The following SAMD12 variants were observed in gnomAD, a reference collection of about 807,000 sequenced individuals.
SAMD12 encodes sterile alpha motif domain containing 12, also known as sterile alpha motif domain-containing protein 12.
Under a neutral mutation model 15.0 loss-of-function variants are expected in SAMD12, and 9 were observed. The observed-to-expected ratio is 0.60, with a 90% CI of 0.36 to 1.05. SAMD12 has a LOEUF of 1.05. Among genes scored for constraint, SAMD12 ranks in the 50% least tolerant of loss-of-function variants. The pLI, the probability that SAMD12 is intolerant of heterozygous loss-of-function variation, is 0.01. For synonymous variants in SAMD12, 86 were observed against 90.1 expected (o/e 0.96, Z 0.25); for missense variants, 230 against 234.2 (o/e 0.98, Z 0.12).
intron 2 of SAMD12, among the ~76,000 whole-genome samples, chr8:118,519,418 C>T (rs1033218990): frequency 6.6e-6 from 1 of 152,140 alleles, no homozygotes; most frequent in Admixed American, 6.5e-5. Context: ...CTAAGTTATA[C>T]CAGAATTTCA....
intron 4 of SAMD12, among the ~76,000 whole-genome samples, chr8:118,241,582 TAAG>T (rs1812566970): frequency 6.6e-6 from 1 of 152,166 alleles, no homozygotes; most frequent in Non-Finnish European, 1.5e-5. Context: ...CAACTCTTGA[TAAG>T]CATACTGCTG....
the SAMD12 span, among the ~76,000 whole-genome samples, chr8:118,163,217 C>T: frequency 2.0e-5 from 3 of 152,122 alleles, no homozygotes; most frequent in South Asian, 2.1e-4. Flanking sequence ...GCAGTTGAGA[C>T]GACAGGCACA....
At chr8:118,257,285 G>T (rs1812968958) in intron 4 of SAMD12, among the ~76,000 whole-genome samples, 1 of 152,082 alleles carries the variant, frequency 6.6e-6, no homozygotes, top group Admixed American at 6.6e-5. Context: ...TGCCAGAAAG[G>T]TGGTTAAAAG....
At chr8:118,176,283 A>G in the SAMD12 span, among the ~76,000 whole-genome samples, 1 of 152,218 alleles carries the variant, frequency 6.6e-6, no homozygotes, top group Non-Finnish European at 1.5e-5. Context: ...CCTGGGAGAC[A>G]CAGCAAAACT....
At chr8:118,179,189 C>T in the SAMD12 span, among the ~76,000 whole-genome samples, 14 of 152,034 alleles carry the variant, frequency 9.2e-5, no homozygotes, top group Non-Finnish European at 1.8e-4. Flanking sequence ...TGTCTCTAAT[C>T]CCAGTAGGGA....
chr8:118,378,538 C>T lies in SAMD12; in HGVS notation c.*879G>A, dbSNP rs896134343. On this transcript the variant is annotated 3_prime_UTR_variant, in exon 4 of 4. Coordinates refer to ENST00000314727, the MANE Select transcript of SAMD12 (RefSeq NM_207506.3). Reference sequence around the variant, plus strand: ...TCATCTTTCAGGGAGCACATTATTTCCTCTAGGCAAATGGACTATTACTAG... The same window carrying T: ...TCATCTTTCAGGGAGCACATTATTTTCTCTAGGCAAATGGACTATTACTAG... 9 of 984,648 alleles carry T rather than the reference C, an allele frequency of 9.1e-6. No homozygotes were observed. Among genetic ancestry groups the T allele is most frequent in the Non-Finnish European group, 1.1e-5 (9 of 829,396 alleles). 61.0% of individuals were successfully genotyped at this position (984,648 alleles called of 1,614,324 possible).
chr8:118,552,886 A>G (rs1826391667), intron 2 of SAMD12, among the ~76,000 whole-genome samples: 1 of 151,752 alleles, frequency 6.6e-6, no homozygotes, highest in Non-Finnish European at 1.5e-5. Context: ...ATACACCAAT[A>G]ACAGACAAAC....
At chr8:118,189,658 A>G (rs887644843) in exon 5 of SAMD12, 2 of 152,036 alleles carry the variant, frequency 1.3e-5, no homozygotes, top group African/African-American at 4.8e-5. Context: ...TGCCCCCCTC[A>G]ACTCTTTTTG....
intron 4 of SAMD12, among the ~76,000 whole-genome samples, chr8:118,244,594 A>G (rs888625292): frequency 6.6e-6 from 1 of 152,104 alleles, no homozygotes; most frequent in Non-Finnish European, 1.5e-5. Flanking sequence ...GATGAAATAC[A>G]TATGTTGTTA....
intron 2 of SAMD12, among the ~76,000 whole-genome samples, chr8:118,571,461 A>G (rs1563590685): frequency 2.0e-5 from 3 of 152,226 alleles, no homozygotes; most frequent in Admixed American, 6.5e-5. Flanking sequence ...GGAAATTTTC[A>G]TCTCCAAGGA....
At chr8:118,549,233 G>A (rs1387784441) in intron 2 of SAMD12, among the ~76,000 whole-genome samples, 2 of 152,192 alleles carry the variant, frequency 1.3e-5, no homozygotes, top group Non-Finnish European at 2.9e-5. Context: ...ACCTCAAGTG[G>A]GTCCCTGACC....
At chr8:118,597,256 G>A (rs1032286075) in intron 1 of SAMD12, among the ~76,000 whole-genome samples, 1 of 152,142 alleles carries the variant, frequency 6.6e-6, no homozygotes, top group African/African-American at 2.4e-5. Flanking sequence ...GCTGTTTGGG[G>A]TCCCTTTGGA....
intron 4 of SAMD12, among the ~76,000 whole-genome samples, chr8:118,316,678 G>A (rs557297898): frequency 1.3e-5 from 2 of 151,964 alleles, no homozygotes; most frequent in African/African-American, 4.8e-5. Context: ...ACCACTTGGC[G>A]GCACTGGGAG....
intron 2 of SAMD12, among the ~76,000 whole-genome samples, chr8:118,580,109 G>A (rs1827250466): frequency 6.6e-6 from 1 of 152,058 alleles, no homozygotes; most frequent in African/African-American, 2.4e-5. Context: ...TCACTACTTA[G>A]GGTTCTATTT....
At chr8:118,530,426 T>G (rs377557377) in intron 2 of SAMD12, among the ~76,000 whole-genome samples, 1 of 152,204 alleles carries the variant, frequency 6.6e-6, no homozygotes, top group African/African-American at 2.4e-5. Flanking sequence ...TGTGTCCATG[T>G]GTACTCAATG....
chr8:118,299,336 G>C (rs1367636585), intron 4 of SAMD12, among the ~76,000 whole-genome samples: 2 of 152,174 alleles, frequency 1.3e-5, no homozygotes, highest in African/African-American at 4.8e-5. Flanking sequence ...AGGCAGGTAA[G>C]AGATTCAGCA....
chr8:118,548,567 C>G (rs1039716211), intron 2 of SAMD12, among the ~76,000 whole-genome samples: 1 of 152,216 alleles, frequency 6.6e-6, no homozygotes, highest in Non-Finnish European at 1.5e-5. Flanking sequence ...CGAATAGGAA[C>G]AGCTCCAGTC....
At chr8:118,237,212 A>G (rs1004623749) in intron 4 of SAMD12, among the ~76,000 whole-genome samples, 1 of 152,130 alleles carries the variant, frequency 6.6e-6, no homozygotes, top group Non-Finnish European at 1.5e-5. Flanking sequence ...AAAATTTTGT[A>G]ACCTTGGATA....
chr8:118,261,240 A>C (rs952103814), intron 4 of SAMD12, among the ~76,000 whole-genome samples: 3 of 152,018 alleles, frequency 2.0e-5, no homozygotes, highest in Non-Finnish European at 4.4e-5. Context: ...GTCATTTTCA[A>C]TTTTACAGAT....
Sources: gnomAD v4.1 joint callset for allele counts (sites outside exome capture counted in the v4.1 genomes callset) on GRCh38, gnomAD v4.1.1 for gene constraint, MANE v1.5 for transcripts, NCBI Gene and HGNC (gene_info 2026-07-23, HGNC 2026-07-21) for gene names.